The following VAC14 variants were observed in gnomAD, a reference collection of about 807,000 sequenced individuals.
The protein encoded by VAC14 is protein VAC14 homolog.
Under a neutral mutation model 85.3 loss-of-function variants are expected in VAC14, and 47 were observed. The ratio of observed to expected loss-of-function variants is 0.55; its 90% CI spans 0.44 to 0.70. VAC14 has a LOEUF of 0.70. VAC14 is among the 30% of genes least tolerant of loss of function. VAC14 has a pLI of 0.00. For synonymous variants in VAC14, 447 were observed against 430.5 expected (o/e 1.04, Z -0.47); for missense variants, 861 against 1,004.3 (o/e 0.86, Z 1.93).
intron 13 of VAC14, among the ~76,000 whole-genome samples, chr16:70,735,335 C>A (rs896107570): frequency 8.7e-6 from 1 of 114,296 alleles, no homozygotes; most frequent in Non-Finnish European, 1.6e-5. Flanking sequence ...GATCTGGGAA[C>A]CAAACTTGGC....
chr16:70,798,012 T>C (rs984579634), intron 1 of VAC14, among the ~76,000 whole-genome samples: 6 of 152,216 alleles, frequency 3.9e-5, no homozygotes, highest in Non-Finnish European at 8.8e-5. Flanking sequence ...TATTTGTTTA[T>C]AGCAGAGCAA....
At position 70,762,557 on chromosome 16, in the gene VAC14, A is replaced by G; in HGVS notation, c.1354T>C (p.Ser452Pro). ...TGACCTACCTCATCCGATTCATCCG[A>G]TAACGTCTGCAGTAGGATGGGAAAG... ...SLFPILLQTL[S>P]DESDEVILKD... The change falls in exon 12 of 19, where the codon TCG becomes CCG. Residue 452 changes from serine to proline, a missense_variant. This residue lies in a region of VAC14 where 629 missense variants were observed against 703.1 expected (regional missense o/e 0.89). Coordinates refer to ENST00000261776, the MANE Select transcript of VAC14 (RefSeq NM_018052.5). This position sits in a 1 kb window ranked among gnomAD's most constrained non-coding sequence, Gnocchi z 4.1. 6.2e-7 allele frequency: 1 copy of G among 1,614,166 alleles called. No homozygotes were observed.
intron 18 of VAC14, chr16:70,690,909 C>T: frequency 1.0e-6 from 1 of 985,482 alleles, no homozygotes; most frequent in South Asian, 4.7e-5. Flanking sequence ...GTGTCTCACA[C>T]ACCCATTTAG....
At chr16:70,719,237 C>T (rs570511203) in intron 14 of VAC14, among the ~76,000 whole-genome samples, 19 of 152,300 alleles carry the variant, frequency 1.2e-4, no homozygotes, top group African/African-American at 4.3e-4. Context: ...GGATCATGCT[C>T]AGCATCCGCT....
intron 14 of VAC14, among the ~76,000 whole-genome samples, chr16:70,701,902 G>A (rs192856299): frequency 6.6e-6 from 1 of 152,152 alleles, no homozygotes; most frequent in African/African-American, 2.4e-5. Flanking sequence ...CTCTGCCCTG[G>A]CCAGATGGCT....
intron 12 of VAC14, chr16:70,761,131 G>A (rs1567578010): frequency 2.2e-6 from 1 of 454,456 alleles, no homozygotes; most frequent in South Asian, 1.6e-5. Context: ...GTTGATACCT[G>A]CCTGTCCATT....
rs144127006 is a variant in VAC14 at position 70,784,143 on chromosome 16, G to C, written c.564C>G (p.Asn188Lys). The C allele has an allele frequency of 3.1e-6, 5 of 1,614,218 alleles. No homozygotes were observed. The highest frequency in any genetic ancestry group is 4.2e-6 in the Non-Finnish European group (5 of 1,180,036). Residue 188 changes from asparagine to lysine, a missense_variant, in exon 5 of 19, where the codon AAC (asparagine) becomes AAG (lysine). Around this residue, in one of 3 missense-constraint regions of VAC14, gnomAD observed 629 missense variants for 703.1 expected, o/e 0.89. Coordinates refer to ENST00000261776, the MANE Select transcript of VAC14 (RefSeq NM_018052.5). ...AGATGATGAACTGCCGGGCATACTG[G>C]TTGTTGGAGTAAATCCTCTCTCGCA... ...PLLRERIYSNNQYARQFIISW... is the reference protein window; with the variant it reads ...PLLRERIYSNKQYARQFIISW...
At chr16:70,799,065 C>T (rs879678339) in intron 1 of VAC14, among the ~76,000 whole-genome samples, 3 of 152,204 alleles carry the variant, frequency 2.0e-5, no homozygotes, top group Non-Finnish European at 2.9e-5. Context: ...AGAACAGATA[C>T]ACAGGTTGCG....
At chr16:70,796,229 C>A (rs2034539675) in intron 1 of VAC14, among the ~76,000 whole-genome samples, 1 of 152,168 alleles carries the variant, frequency 6.6e-6, no homozygotes, top group Non-Finnish European at 1.5e-5. Context: ...TAACACCACA[C>A]TGGTGGTCTT....
chr16:70,739,738 T>C (rs920338612), intron 13 of VAC14, among the ~76,000 whole-genome samples: 15 of 152,210 alleles, frequency 9.9e-5, no homozygotes, highest in Non-Finnish European at 5.9e-5. Flanking sequence ...GCCATGATGA[T>C]TGTTGCCGTG....
At position 70,780,884 on chromosome 16, in the gene VAC14, G is replaced by C; in HGVS notation, c.1002C>G (p.Pro334=). 1 of 1,614,074 alleles carries C rather than the reference G, an allele frequency of 6.2e-7. No individual in the cohort carries two copies. Among genetic ancestry groups the C allele is most frequent in the Non-Finnish European group, 8.5e-7 (1 of 1,180,022 alleles). ...TCAGCTCATCCAGCTCGTCGTCCTC[G>C]GGGGTGACCAGCTTCATCAGGCTCT... ...CNQSLMKLVT[P]EDDELDELRP... Residue 334 remains proline, a synonymous_variant, in exon 9 of 19, where the codon CCC becomes CCG. Transcript: ENST00000261776.
intron 16 of VAC14, 63 bp from the exon 17 acceptor site, chr16:70,695,686 C>A: frequency 6.6e-7 from 1 of 1,510,304 alleles, no homozygotes; most frequent in South Asian, 1.1e-5. Flanking sequence ...CACAGCACCA[C>A]ACGCCCTCCC....
At chr16:70,783,392 G>T in intron 6 of VAC14, 53 bp downstream of exon 6, 1 of 1,568,538 alleles carries the variant, frequency 6.4e-7, no homozygotes. Flanking sequence ...AAGCACATGG[G>T]CACAGCTGGG....
At chr16:70,750,621 G>A (rs184782075) in intron 12 of VAC14, among the ~76,000 whole-genome samples, 162 of 152,272 alleles carry the variant, frequency 1.1e-3, no homozygotes, top group African/African-American at 3.7e-3. Flanking sequence ...TTCCACGGTG[G>A]TGACTTTACA....
At chr16:70,696,890 C>T (rs1165001757) in intron 16 of VAC14, 1 of 439,754 alleles carries the variant, frequency 2.3e-6, no homozygotes, top group East Asian at 4.9e-5. Flanking sequence ...GTCCCAATCC[C>T]AACCCACAGG....
At position 70,694,010 on chromosome 16, in the gene VAC14, G is replaced by A. The variant is rs369615642; in HGVS notation, c.2036-1039C>T. Among the ~76,000 whole-genome samples the A allele has an allele frequency of 7.7e-4, 118 of 152,334 alleles. No individual in the cohort carries two copies. The South Asian group carries it at 7.9e-3, about 10-fold the overall frequency. On this transcript the variant is annotated intron_variant, in intron 17 of 18. Transcript: ENST00000261776. ...CTAGGCCTGGCTGCCCAGCAGAAGC[G>A]CGAGCCTGTTTCCAGTCCTTTCTTC...
At chr16:70,789,581 G>A (rs960996577) in intron 1 of VAC14, among the ~76,000 whole-genome samples, 1 of 152,252 alleles carries the variant, frequency 6.6e-6, no homozygotes, top group Non-Finnish European at 1.5e-5. Context: ...CAATGCAGCA[G>A]CAGACCTTTA....
intron 14 of VAC14, chr16:70,699,383 C>T (rs2053777962): frequency 6.5e-6 from 1 of 154,718 alleles, no homozygotes; most frequent in African/African-American, 2.4e-5. Flanking sequence ...TGAGTTTTTT[C>T]TTCACTGTAC....
At chr16:70,794,254 C>T (rs2034451503) in intron 1 of VAC14, among the ~76,000 whole-genome samples, 1 of 152,150 alleles carries the variant, frequency 6.6e-6, no homozygotes, top group African/African-American at 2.4e-5. Flanking sequence ...TTTTTACCAT[C>T]CCCAAAAGAA....
Sources: allele counts gnomAD v4.1 joint callset (sites outside exome capture counted in the v4.1 genomes callset), GRCh38; gene constraint gnomAD v4.1.1; regional missense constraint gnomAD v4.1.1; non-coding constraint Gnocchi (gnomAD v3.1); transcripts MANE v1.5; gene names NCBI Gene and HGNC (gene_info 2026-07-23, HGNC 2026-07-21).